Variants in MSRA observed in about 807,000 individuals in gnomAD.
MSRA encodes mitochondrial peptide methionine sulfoxide reductase.
A neutral mutation model predicts 31.3 loss-of-function variants in MSRA; 54 were observed. That is an observed-to-expected ratio of 1.73 (90% confidence interval 1.39 to 2.17). The LOEUF is 2.17. MSRA is among the 30% of genes most tolerant of loss of function. MSRA has a pLI of 0.00. For synonymous variants in MSRA, 169 were observed against 116.5 expected, an observed-to-expected ratio of 1.45 and a Z score of -2.90; for missense variants, 507 against 300.9, an observed-to-expected ratio of 1.69 and a Z score of -5.07.
At chr8:10,085,977 G>A (rs28710334) in intron 1 of MSRA, among the ~76,000 whole-genome samples, 1 of 152,064 alleles carries the variant, frequency 6.6e-6, no homozygotes, top group Non-Finnish European at 1.5e-5. Flanking sequence ...TGGGTGTTCA[G>A]ATTGTTTCCA....
chr8:10,178,025 C>G (rs1442515754), intron 1 of MSRA, among the ~76,000 whole-genome samples: 1 of 152,196 alleles, frequency 6.6e-6, no homozygotes, highest in Admixed American at 6.5e-5. Flanking sequence ...CTTCACCTGC[C>G]TCTTTTTTCC....
chr8:10,070,013 C>T (rs1224676306), intron 1 of MSRA, among the ~76,000 whole-genome samples: 1 of 152,154 alleles, frequency 6.6e-6, no homozygotes, highest in Non-Finnish European at 1.5e-5. Flanking sequence ...ACGGGTACCT[C>T]CCTGTTAAAT....
chr8:10,420,654 C>T (rs1409114951), intron 5 of MSRA, among the ~76,000 whole-genome samples: 2 of 152,044 alleles, frequency 1.3e-5, no homozygotes, highest in Admixed American at 6.5e-5. Context: ...ACAGGTGATC[C>T]TGGCAGCAAG....
chr8:10,280,246 A>G (rs746734359), intron 3 of MSRA, among the ~76,000 whole-genome samples: 16 of 151,900 alleles, frequency 1.1e-4, no homozygotes, highest in Non-Finnish European at 1.9e-4. Flanking sequence ...AAAGTGTTCT[A>G]TGCTTCATTA....
chr8:10,151,640 A>C (rs1239350650), intron 1 of MSRA, among the ~76,000 whole-genome samples: 1 of 152,206 alleles, frequency 6.6e-6, no homozygotes, highest in African/African-American at 2.4e-5. Flanking sequence ...ACAGAGTGAG[A>C]CTGTGTCTCA....
At chr8:10,396,802 C>G (rs1807124014) in intron 5 of MSRA, among the ~76,000 whole-genome samples, 2 of 152,188 alleles carry the variant, frequency 1.3e-5, no homozygotes, top group Non-Finnish European at 2.9e-5. Context: ...TTGCCCAAGC[C>G]CAGTAAAGCC....
intron 1 of MSRA, among the ~76,000 whole-genome samples, chr8:10,081,317 C>G (rs148818437): frequency 1.8e-3 from 281 of 152,336 alleles, no homozygotes; most frequent in African/African-American, 6.0e-3. Flanking sequence ...TTTGGGCCTC[C>G]TGCTCCTTGG....
intron 1 of MSRA, among the ~76,000 whole-genome samples, chr8:10,189,583 T>C (rs920560147): frequency 6.6e-6 from 1 of 152,216 alleles, no homozygotes; most frequent in Non-Finnish European, 1.5e-5. Context: ...TTGTAGCATT[T>C]ATTGAGTTGA....
At chr8:10,418,815 TAAAAA>T (rs71203323) in intron 5 of MSRA, among the ~76,000 whole-genome samples, 2 of 66,042 alleles carry the variant, frequency 3.0e-5, no homozygotes, top group Non-Finnish European at 5.0e-5. Context: ...TTACTACGAC[TAAAAA>T]AAAAAAAAAA....
At chr8:10,342,812 G>A (rs1343225752) in intron 5 of MSRA, among the ~76,000 whole-genome samples, 1 of 152,256 alleles carries the variant, frequency 6.6e-6, no homozygotes, top group Non-Finnish European at 1.5e-5. Flanking sequence ...TCCCAGTTGA[G>A]TGACTTAGGG....
chr8:10,071,900 G>A (rs184471268), intron 1 of MSRA, among the ~76,000 whole-genome samples: 79 of 152,250 alleles, frequency 5.2e-4, no homozygotes, highest in Non-Finnish European at 1.0e-3. Context: ...GGTAGTCGAG[G>A]GAGCAATAGT....
chr8:10,251,393 G>C (rs10503405), intron 3 of MSRA, among the ~76,000 whole-genome samples: 31,809 of 151,924 alleles, frequency 0.21, 3,434 homozygotes, highest in East Asian at 0.36. Context: ...TCTCTTTTTA[G>C]TGCATAGTCA....
intron 5 of MSRA, chr8:10,337,587 C>A (rs548116088): frequency 1.4e-5 from 9 of 644,574 alleles, no homozygotes; most frequent in Non-Finnish European, 2.5e-5. Flanking sequence ...AGATTCCTCT[C>A]TGTCTCTGGA....
At chr8:10,419,973 A>G (rs184771783) in intron 5 of MSRA, among the ~76,000 whole-genome samples, 1 of 152,340 alleles carries the variant, frequency 6.6e-6, no homozygotes, top group East Asian at 1.9e-4. Context: ...TGCTGATACA[A>G]CAGGCTGGAG....
chr8:10,301,375 G>T (rs550859719), intron 3 of MSRA, among the ~76,000 whole-genome samples, 159 bp from the exon 4 acceptor site: 1 of 152,264 alleles, frequency 6.6e-6, no homozygotes. Flanking sequence ...CAGTAACAGA[G>T]CCTTGAGAGA....
At chr8:10,342,977 A>G (rs1029210647) in intron 5 of MSRA, among the ~76,000 whole-genome samples, 4 of 151,978 alleles carry the variant, frequency 2.6e-5, no homozygotes, top group Non-Finnish European at 5.9e-5. Flanking sequence ...GGAAAATTAA[A>G]TGAGATAACG....
chr8:10,404,047 T>G (rs1283401732), intron 5 of MSRA, among the ~76,000 whole-genome samples: 2 of 152,366 alleles, frequency 1.3e-5, no homozygotes, highest in East Asian at 3.9e-4. Flanking sequence ...TGTCATTATA[T>G]ATCATATTAA....
At chr8:10,227,360 C>T (rs1811086631) in intron 2 of MSRA, among the ~76,000 whole-genome samples, 1 of 152,080 alleles carries the variant, frequency 6.6e-6, no homozygotes, top group South Asian at 2.1e-4. Flanking sequence ...AGCTTTCAAG[C>T]TCTCATTAGA....
chr8:10,063,487 C>A (rs1353791966), intron 1 of MSRA, among the ~76,000 whole-genome samples: 1 of 152,198 alleles, frequency 6.6e-6, no homozygotes, highest in Non-Finnish European at 1.5e-5. Context: ...CTGCTCTGAG[C>A]TCCTTCCTTG....
Sources: allele counts gnomAD v4.1 joint callset (sites outside exome capture counted in the v4.1 genomes callset), GRCh38; gene constraint gnomAD v4.1.1; transcripts MANE v1.5; gene names NCBI Gene and HGNC (gene_info 2026-07-23, HGNC 2026-07-21).